Variants in C14orf39 observed in about 807,000 individuals in gnomAD.
C14orf39 encodes chromosome 14 open reading frame 39.
A neutral mutation model predicts 85.6 loss-of-function variants in C14orf39; 66 were observed. The observed-to-expected ratio is 0.77, with a 90% CI of 0.63 to 0.95. C14orf39 has a LOEUF of 0.95. Ranked by LOEUF, C14orf39 falls within the 40% of genes least tolerant of loss-of-function variation. The pLI is 0.00. For synonymous variants in C14orf39, 242 were observed against 214.0 expected, an observed-to-expected ratio of 1.13 and a Z score of -1.14; for missense variants, 735 against 663.9, an observed-to-expected ratio of 1.11 and a Z score of -1.18.
intron 13 of C14orf39, among the ~76,000 whole-genome samples, chr14:60,460,173 T>A (rs918636054): frequency 1.3e-5 from 2 of 151,268 alleles, no homozygotes; most frequent in Non-Finnish European, 3.0e-5. Flanking sequence ...AGTTCCAAAA[T>A]AATTGTATTC....
In C14orf39 at chr14:60,484,232, C is replaced by T. The variant is rs555048528; in HGVS notation, c.107-415G>A. ...CATCAATTCTATGTCAATTATTAAA[C>T]GCACTTTCAACTCACTTATTTCTGT... is the stretch of plus-strand genomic sequence containing the variant. On this transcript the variant is annotated intron_variant, in intron 3 of 17. Transcript: ENST00000321731. The surrounding 1 kb of genome is among the most constrained non-coding windows in gnomAD (Gnocchi z 4.2). Among the ~76,000 whole-genome samples the T allele has an allele frequency of 7.2e-5, 11 of 152,104 alleles. No homozygotes were observed. The highest frequency in any genetic ancestry group is 1.3e-4 in the Non-Finnish European group (9 of 68,010).
At chr14:60,506,681 G>A (rs1893208347) in intron 1 of C14orf39, among the ~76,000 whole-genome samples, 1 of 152,134 alleles carries the variant, frequency 6.6e-6, no homozygotes. Flanking sequence ...CCAACCTCCA[G>A]GCACTTCTCA....
At chr14:60,485,215 C>G in intron 1 of C14orf39, 129 bp from the exon 2 acceptor site, 1 of 743,038 alleles carries the variant, frequency 1.3e-6, no homozygotes, top group Non-Finnish European at 2.2e-6. Context: ...AACTGGAAGA[C>G]GAGAGGCCCC....
At chr14:60,443,720 C>T (rs1464269327) in intron 16 of C14orf39, among the ~76,000 whole-genome samples, 1 of 152,232 alleles carries the variant, frequency 6.6e-6, no homozygotes, top group Non-Finnish European at 1.5e-5. Flanking sequence ...ACTGCCTCCT[C>T]AAGTGGGTCC....
chr14:60,470,350 G>A (rs1330117941), intron 7 of C14orf39, among the ~76,000 whole-genome samples: 1 of 151,834 alleles, frequency 6.6e-6, no homozygotes, highest in Non-Finnish European at 1.5e-5. Context: ...AAGAATTCCA[G>A]AGAAGATTAA....
At chr14:60,514,917 A>T (rs1399816091) in intron 1 of C14orf39, among the ~76,000 whole-genome samples, 3 of 152,090 alleles carry the variant, frequency 2.0e-5, no homozygotes, top group African/African-American at 7.2e-5. Flanking sequence ...CGGGGCTGTC[A>T]GGCGGCTCTG....
At chr14:60,509,779 C>T in intron 1 of C14orf39, 1 of 1,613,034 alleles carries the variant, frequency 6.2e-7, no homozygotes, top group Non-Finnish European at 8.5e-7. Flanking sequence ...CCATTTGGGA[C>T]GGCGAACAGA....
At position 60,442,275 on chromosome 14, in the gene C14orf39, C is replaced by T. The variant is rs1273094662; in HGVS notation, c.1504-144G>A. On this transcript the variant is annotated intron_variant, in intron 16 of 17. Coordinates refer to ENST00000321731, the MANE Select transcript of C14orf39 (RefSeq NM_174978.3). ...TACCTTTATATAGCACACTCTTATA[C>T]TTAAAAAGATCTATCTTCAAAACCT... 1.0e-5 allele frequency: 5 copies of T among 476,306 alleles called. No homozygotes were observed. In the South Asian group the frequency reaches 2.6e-4, roughly 25 times the overall value. The allele number at this position is 476,306 out of a possible 1,614,324, so 29.5% of individuals were successfully genotyped here.
chr14:60,488,520 T>C (rs1892938339), upstream of C14orf39, among the ~76,000 whole-genome samples: 1 of 152,186 alleles, frequency 6.6e-6, no homozygotes, highest in African/African-American at 2.4e-5. Context: ...GGGAAAGTAC[T>C]CCCACAAGAT....
chr14:60,461,436 T>C (rs760486732), intron 12 of C14orf39, 24 bp from the exon 13 acceptor site: 5 of 1,591,632 alleles, frequency 3.1e-6, no homozygotes, highest in East Asian at 2.3e-5. Flanking sequence ...AATATAATTT[T>C]TGTATTTTTT....
intron 17 of C14orf39, among the ~76,000 whole-genome samples, chr14:60,439,113 T>C (rs1890391587): frequency 6.6e-6 from 1 of 152,222 alleles, no homozygotes; most frequent in Non-Finnish European, 1.5e-5. Context: ...ATATTCCAAT[T>C]ACCCTGATTT....
At chr14:60,511,022 G>A (rs960566447) in intron 1 of C14orf39, 2 of 1,546,464 alleles carry the variant, frequency 1.3e-6, no homozygotes, top group Admixed American at 3.6e-5. Flanking sequence ...AGGAGGTGGT[G>A]GGGGCGGGCG....
intron 10 of C14orf39, among the ~76,000 whole-genome samples, 167 bp downstream of exon 10, chr14:60,466,750 C>A (rs374205877): frequency 6.6e-6 from 1 of 151,756 alleles, no homozygotes; most frequent in Non-Finnish European, 1.5e-5. Flanking sequence ...GTATAGAAGA[C>A]ATATTTTGTT....
chr14:60,468,563 C>T (rs12878738), intron 8 of C14orf39, 27 bp from the exon 9 acceptor site: 891,418 of 1,333,174 alleles, frequency 0.67, 303,600 homozygotes, highest in Admixed American at 0.73. Flanking sequence ...GAACACAAAA[C>T]AAAATAATTA....
In C14orf39 at chr14:60,436,832, A is replaced by G. The variant is rs1374328434; in HGVS notation, c.*13T>C. ...ACAGAACAGTAAAATAATTTAAGGA[A>G]TTAATGACTAGCTCAAAAAAAAGTA... is the stretch of plus-strand genomic sequence containing the variant. On this transcript the variant is annotated 3_prime_UTR_variant, in exon 18 of 18. Coordinates refer to ENST00000321731, the MANE Select transcript of C14orf39 (RefSeq NM_174978.3). 1.9e-6 allele frequency: 3 copies of G among 1,560,294 alleles called. No individual in the cohort carries two copies. The highest frequency in any genetic ancestry group is 2.6e-6 in the Non-Finnish European group (3 of 1,138,100).
At position 60,461,356 on chromosome 14, in the gene C14orf39, T is replaced by C; in HGVS notation, c.1115A>G (p.Lys372Arg). Residue 372 changes from lysine to arginine, a missense_variant and splice_region_variant, in exon 13 of 18, where the codon AAA becomes AGA. Transcript: ENST00000321731. ...NSNQWSEKGD[K>R]DAEYGDKGTV... ...AGAAAAATATAAACGGCAAATACCT[T>C]TATCCCCTTTTTCCGACCACTGATT... The C allele has an allele frequency of 6.2e-7, 1 of 1,610,350 alleles. No individual in the cohort carries two copies. The highest frequency in any genetic ancestry group is 1.7e-5 in the Admixed American group (1 of 59,826).
At chr14:60,482,817 AAAGC>A (rs1322085566) in intron 4 of C14orf39, among the ~76,000 whole-genome samples, 1 of 152,130 alleles carries the variant, frequency 6.6e-6, no homozygotes, top group East Asian at 1.9e-4. Context: ...TAAATGTTAA[AAAGC>A]AAGTTGCAGA....
rs1566663774 is a variant in C14orf39 at position 60,458,768 on chromosome 14, T to C, written c.1118-29A>G. On this transcript the variant is annotated intron_variant, in intron 13 of 17. Coordinates refer to ENST00000321731, the MANE Select transcript of C14orf39 (RefSeq NM_174978.3). ...TTGTCATATGAGAACAAACTATTTT[T>C]CTTTTTGTAATTTTATTGTAAAATA... The C allele has an allele frequency of 2.6e-6, 4 of 1,537,966 alleles. No individual in the cohort carries two copies. In the South Asian group the frequency reaches 4.8e-5, roughly 18 times the overall value.
intron 16 of C14orf39, among the ~76,000 whole-genome samples, 181 bp downstream of exon 16, chr14:60,454,820 G>A (rs978650082): frequency 3.3e-5 from 5 of 151,824 alleles, no homozygotes; most frequent in Non-Finnish European, 5.9e-5. Flanking sequence ...GTCAATATGA[G>A]GCATTCAAAG....
Sources: gnomAD v4.1 joint callset for allele counts (sites outside exome capture counted in the v4.1 genomes callset) on GRCh38, gnomAD v4.1.1 for gene constraint, Gnocchi (gnomAD v3.1) non-coding constraint, MANE v1.5 for transcripts, NCBI Gene and HGNC (gene_info 2026-07-23, HGNC 2026-07-21) for gene names.